Variants in TRHDE observed in about 807,000 individuals in gnomAD.
TRHDE encodes the protein thyrotropin-releasing hormone-degrading ectoenzyme.
Under a neutral mutation model 125.7 loss-of-function variants are expected in TRHDE, and 72 were observed. The observed-to-expected ratio is 0.57, with a 90% CI of 0.47 to 0.70. TRHDE has a LOEUF of 0.70. Ranked by LOEUF, TRHDE falls within the 30% of genes least tolerant of loss-of-function variation. The probability of loss-of-function intolerance (pLI) is 0.00; values close to 1 mark genes in which losing one functional copy is unlikely to be tolerated. For missense variants in TRHDE, 1,110 were observed against 1,327.1 expected (o/e 0.84, Z 2.54); for synonymous variants, 509 against 509.1 (o/e 1.00, Z 0.00).
chr12:72,120,300 C>T (rs890375240), intron 2 of TRHDE, among the ~76,000 whole-genome samples: 3 of 152,084 alleles, frequency 2.0e-5, no homozygotes, highest in African/African-American at 7.2e-5. Context: ...CTGCCTGACT[C>T]GGGCTTCCAA....
intron 12 of TRHDE, among the ~76,000 whole-genome samples, chr12:72,618,180 A>G (rs923375755): frequency 6.6e-6 from 1 of 152,146 alleles, no homozygotes; most frequent in African/African-American, 2.4e-5. Context: ...CTCTTAAACT[A>G]TAGACAATAT....
intron 7 of TRHDE, 151 bp from the exon 8 acceptor site, chr12:72,562,014 T>C (rs1486509262): frequency 2.2e-6 from 1 of 464,196 alleles, no homozygotes; most frequent in Non-Finnish European, 3.9e-6. Context: ...TAAATCTCTT[T>C]GGAATATTTT....
chr12:72,403,344 C>A (rs1873127618), intron 3 of TRHDE, among the ~76,000 whole-genome samples: 1 of 152,166 alleles, frequency 6.6e-6, no homozygotes, highest in African/African-American at 2.4e-5. Flanking sequence ...ATTTTTCAGA[C>A]AAAATAATAA....
At chr12:72,471,307 T>G (rs919798121) in intron 4 of TRHDE, among the ~76,000 whole-genome samples, 1 of 152,206 alleles carries the variant, frequency 6.6e-6, no homozygotes, top group African/African-American at 2.4e-5. Flanking sequence ...TGACTGGGGC[T>G]CCTAGTCTGT....
chr12:72,207,381 T>C (rs1877689308), intron 2 of TRHDE, among the ~76,000 whole-genome samples: 1 of 152,184 alleles, frequency 6.6e-6, no homozygotes, highest in Admixed American at 6.5e-5. Flanking sequence ...CACAGTTGAA[T>C]TCTTTAGGAC....
At chr12:72,625,398 C>A (rs1873218910) in intron 15 of TRHDE, among the ~76,000 whole-genome samples, 1 of 151,594 alleles carries the variant, frequency 6.6e-6, no homozygotes, top group Admixed American at 6.6e-5. Context: ...TGAAACAACA[C>A]AGCACCTTGT....
chr12:72,240,474 C>T (rs1402903360), intron 2 of TRHDE, among the ~76,000 whole-genome samples: 2 of 151,746 alleles, frequency 1.3e-5, no homozygotes, highest in African/African-American at 2.4e-5. Flanking sequence ...GGCATAATAA[C>T]GATCAGATAG....
intron 2 of TRHDE, among the ~76,000 whole-genome samples, chr12:72,233,346 A>AG (rs1235020802): frequency 2.6e-5 from 4 of 152,134 alleles, no homozygotes; most frequent in Admixed American, 6.6e-5. Context: ...CTTATTCTCA[A>AG]GGGGGGCAGA....
chr12:72,151,355 C>T (rs1019178505), intron 2 of TRHDE, among the ~76,000 whole-genome samples: 5 of 152,158 alleles, frequency 3.3e-5, no homozygotes, highest in South Asian at 2.1e-4. Context: ...TGCCTGTTCA[C>T]GCTGATGGTA....
intron 2 of TRHDE, among the ~76,000 whole-genome samples, chr12:72,300,610 AGCGTGTGTGT>A (rs1478558270): frequency 1.3e-5 from 2 of 151,646 alleles, no homozygotes; most frequent in African/African-American, 4.8e-5. Flanking sequence ...AAAGATGTAT[AGCGTGTGTGT>A]GTGTGTATAT....
At chr12:72,654,806 T>G (rs1311159769) in intron 17 of TRHDE, among the ~76,000 whole-genome samples, 4 of 152,102 alleles carry the variant, frequency 2.6e-5, no homozygotes, top group African/African-American at 9.7e-5. Flanking sequence ...ACTTCCCCAG[T>G]GCAGGTTCTC....
intron 3 of TRHDE, among the ~76,000 whole-genome samples, chr12:72,462,896 T>C (rs1876192788): frequency 6.6e-6 from 1 of 152,158 alleles, no homozygotes; most frequent in Non-Finnish European, 1.5e-5. Flanking sequence ...AGCATCTTTG[T>C]TAGTCTCCTT....
chr12:72,332,278 A>G (rs1187180772), intron 2 of TRHDE, among the ~76,000 whole-genome samples: 1 of 152,124 alleles, frequency 6.6e-6, no homozygotes, highest in African/African-American at 2.4e-5. Context: ...AGCTGGGACT[A>G]CAGGCACCCG....
In TRHDE at chr12:72,512,460, T is replaced by C. The variant is rs983864160; in HGVS notation, c.1722+12825T>C. On this transcript the variant is annotated intron_variant, in intron 6 of 18. Coordinates refer to ENST00000261180, the MANE Select transcript of TRHDE (RefSeq NM_013381.3). Reference sequence around the variant, plus strand: ...ATATGTTATAATTATATAATTATAATATATTATATAGTTATAATTATATAA... The same window carrying C: ...ATATGTTATAATTATATAATTATAACATATTATATAGTTATAATTATATAA... Among the ~76,000 whole-genome samples the C allele has an allele frequency of 1.1e-4, 15 of 138,006 alleles. 1 individual carries two copies. In the South Asian group the frequency reaches 2.3e-3, roughly 22 times the overall value. 90.5% of individuals were successfully genotyped at this position (138,006 alleles called of 152,430 possible).
At position 72,088,905 on chromosome 12, in the gene TRHDE, T is replaced by C. The variant is rs138022700; in HGVS notation, n.174+1466T>C. On this transcript the variant is annotated intron_variant and non_coding_transcript_variant, in intron 1 of 4. Coordinates refer to the TRHDE transcript ENST00000548156. ...CCATATGCTAATTCCTAAATATGTA[T>C]CTCTAATATAGACCTTTCTTCCAAA... Among the ~76,000 whole-genome samples the C allele has an allele frequency of 8.5e-4, 130 of 152,244 alleles. 1 individual carries two copies. Among genetic ancestry groups the C allele is most frequent in the African/African-American group, 3.0e-3 (124 of 41,554 alleles).
chr12:72,164,773 C>G (rs1876709209), intron 2 of TRHDE, among the ~76,000 whole-genome samples: 1 of 152,182 alleles, frequency 6.6e-6, no homozygotes, highest in South Asian at 2.1e-4. Context: ...TGGCAACCCT[C>G]ACTTAACCCA....
intron 12 of TRHDE, among the ~76,000 whole-genome samples, chr12:72,612,699 A>T (rs1872677639): frequency 6.6e-6 from 1 of 152,252 alleles, no homozygotes; most frequent in South Asian, 2.1e-4. Context: ...CATAACTGGT[A>T]TACATTAAGT....
intron 15 of TRHDE, among the ~76,000 whole-genome samples, chr12:72,636,454 G>A (rs1298242636): frequency 1.3e-5 from 2 of 151,440 alleles, no homozygotes; most frequent in African/African-American, 2.4e-5. Context: ...TGCAAACAGG[G>A]ACAATTTGAC....
chr12:72,621,451 C>T, intron 14 of TRHDE, 193 bp from the exon 15 acceptor site: 1 of 589,362 alleles, frequency 1.7e-6, no homozygotes, highest in East Asian at 2.9e-5. Context: ...GATCAGAACC[C>T]ATGCCTCTCA....
Sources: gnomAD v4.1 joint callset for allele counts (sites outside exome capture counted in the v4.1 genomes callset) on GRCh38, gnomAD v4.1.1 for gene constraint, MANE v1.5 for transcripts, NCBI Gene and HGNC (gene_info 2026-07-23, HGNC 2026-07-21) for gene names.